GRIA3: variants seen among roughly 807,000 people sequenced by gnomAD.
The protein encoded by GRIA3 is glutamate ionotropic receptor AMPA type subunit 3, also known as glutamate receptor 3.
A neutral mutation model predicts 63.0 loss-of-function variants in GRIA3; 3 were observed. The ratio of observed to expected loss-of-function variants is 0.05; its 90% CI spans 0.02 to 0.12. GRIA3 has a LOEUF of 0.12. Ranked by LOEUF, GRIA3 falls within the 10% of genes least tolerant of loss-of-function variation. The pLI is 1.00. For synonymous variants in GRIA3, 274 were observed against 257.9 expected, an observed-to-expected ratio of 1.06 and a Z score of -0.60; for missense variants, 347 against 700.9, an observed-to-expected ratio of 0.50 and a Z score of 5.70.
intron 12 of GRIA3, among the ~76,000 whole-genome samples, chrX:123,435,687 T>C (rs938236283): frequency 1.8e-5 from 2 of 112,303 alleles, no homozygotes; most frequent in East Asian, 5.6e-4. Context: ...TCTATAAAGC[T>C]AGAGTGAATG....
chrX:123,235,712 C>A (rs1416355743), intron 2 of GRIA3, among the ~76,000 whole-genome samples: 1 of 111,073 alleles, frequency 9.0e-6, no homozygotes, highest in Non-Finnish European at 1.9e-5. Context: ...AATATATTCA[C>A]ATGCTTTACT....
At chrX:123,277,633 C>G (rs1482678930) in intron 3 of GRIA3, among the ~76,000 whole-genome samples, 3 of 111,619 alleles carry the variant, frequency 2.7e-5, no homozygotes, top group Non-Finnish European at 5.6e-5. Context: ...ACTCTGTTGA[C>G]TGGTTGCTCC....
At chrX:123,398,539 G>A in intron 6 of GRIA3, 97 bp from the exon 7 acceptor site, 2 of 689,037 alleles carry the variant, frequency 2.9e-6, no homozygotes, top group Non-Finnish European at 4.5e-6. Flanking sequence ...TGACTGCATA[G>A]AACAATAGGT....
intron 2 of GRIA3, among the ~76,000 whole-genome samples, chrX:123,213,423 T>C (rs752359600): frequency 8.9e-6 from 1 of 112,098 alleles, no homozygotes; most frequent in East Asian, 2.8e-4. Flanking sequence ...AAACATATTG[T>C]ACAGATGAAG....
chrX:123,246,153 T>G (rs2044358136), intron 2 of GRIA3, among the ~76,000 whole-genome samples: 1 of 111,844 alleles, frequency 8.9e-6, no homozygotes, highest in African/African-American at 3.2e-5. Context: ...ATTAATAATA[T>G]TTTAGGGGGA....
chrX:123,316,090 G>A (rs2044829641), intron 3 of GRIA3, among the ~76,000 whole-genome samples: 1 of 108,230 alleles, frequency 9.2e-6, no homozygotes, highest in South Asian at 4.1e-4. Context: ...TCATTAAAAT[G>A]TCAAACTTTT....
chrX:123,439,738 G>T (rs944690210), intron 12 of GRIA3, among the ~76,000 whole-genome samples: 1 of 110,449 alleles, frequency 9.1e-6, no homozygotes, highest in Non-Finnish European at 1.9e-5. Context: ...AAAATAGTCT[G>T]TTAGTTATCT....
At chrX:123,477,306 ATTGATTC>A (rs2147443390) in intron 13 of GRIA3, among the ~76,000 whole-genome samples, 1 of 112,799 alleles carries the variant, frequency 8.9e-6, no homozygotes, top group African/African-American at 3.2e-5. Flanking sequence ...TCATGTATTC[ATTGATTC>A]ATTTTAAAAA....
intron 2 of GRIA3, among the ~76,000 whole-genome samples, chrX:123,196,628 C>T (rs912668217): frequency 9.0e-6 from 1 of 111,493 alleles, no homozygotes; most frequent in African/African-American, 3.3e-5. Context: ...ATTGAACCTA[C>T]AGTACCATTT....
chrX:123,436,360 G>C (rs750639191), intron 12 of GRIA3, among the ~76,000 whole-genome samples: 1 of 111,284 alleles, frequency 9.0e-6, no homozygotes, highest in East Asian at 2.8e-4. Flanking sequence ...GAGAAAGAAA[G>C]CTCATTCAAT....
At chrX:123,253,053 G>T (rs1438381931) in intron 2 of GRIA3, among the ~76,000 whole-genome samples, 1 of 111,295 alleles carries the variant, frequency 9.0e-6, no homozygotes, top group Non-Finnish European at 1.9e-5. Flanking sequence ...GGAGTAAGAC[G>T]ACTTTCACCT....
At chrX:123,479,973 T>G in intron 13 of GRIA3, 90 bp from the exon 14 acceptor site, 1 of 658,757 alleles carries the variant, frequency 1.5e-6, no homozygotes, top group South Asian at 2.4e-5. Flanking sequence ...CCCCCTGCTT[T>G]ATCGCTTTCT....
intron 2 of GRIA3, among the ~76,000 whole-genome samples, chrX:123,201,689 A>C (rs1927744649): frequency 1.0e-5 from 1 of 97,990 alleles, no homozygotes; most frequent in Non-Finnish European, 2.2e-5. Context: ...TTGTTTGTTG[A>C]CCTTCATCAA....
intron 3 of GRIA3, among the ~76,000 whole-genome samples, chrX:123,313,808 G>A (rs1241487166): frequency 8.9e-6 from 1 of 111,849 alleles, no homozygotes; most frequent in Non-Finnish European, 1.9e-5. Flanking sequence ...CTGCACAGAA[G>A]TTCAGGGTAT....
At chrX:123,352,964 G>A (rs1376580005) in intron 4 of GRIA3, among the ~76,000 whole-genome samples, 1 of 106,244 alleles carries the variant, frequency 9.4e-6, no homozygotes, top group Non-Finnish European at 1.9e-5. Flanking sequence ...CAGAAATGTG[G>A]CTCATAATTT....
At chrX:123,440,263 T>C (rs1268205352) in intron 12 of GRIA3, among the ~76,000 whole-genome samples, 2 of 112,545 alleles carry the variant, frequency 1.8e-5, no homozygotes, top group African/African-American at 6.5e-5. Flanking sequence ...ACATTCATGT[T>C]CATGTGTCTT....
At chrX:123,440,581 C>T (rs1359771210) in intron 12 of GRIA3, among the ~76,000 whole-genome samples, 3 of 112,339 alleles carry the variant, frequency 2.7e-5, no homozygotes, top group Non-Finnish European at 5.6e-5. Context: ...GCTTGTTGGC[C>T]GCATATATGT....
At chrX:123,376,821 ATGT>A (rs1259259750) in intron 5 of GRIA3, among the ~76,000 whole-genome samples, 1 of 109,466 alleles carries the variant, frequency 9.1e-6, no homozygotes, top group Non-Finnish European at 1.9e-5. Flanking sequence ...ATGCCTTCAA[ATGT>A]TGTCATAAGA....
intron 3 of GRIA3, 47 bp downstream of exon 3, chrX:123,253,589 G>A (rs754290201): frequency 1.8e-6 from 2 of 1,118,379 alleles, no homozygotes; most frequent in South Asian, 3.7e-5. Context: ...ATGTAATTGT[G>A]TTCAAACTTC....
Sources: gnomAD v4.1 joint callset for allele counts (sites outside exome capture counted in the v4.1 genomes callset) on GRCh38, gnomAD v4.1.1 for gene constraint, MANE v1.5 for transcripts, NCBI Gene and HGNC (gene_info 2026-07-23, HGNC 2026-07-21) for gene names.